Variants in NPAS2 observed in about 807,000 individuals in gnomAD.
NPAS2 encodes the protein neuronal PAS domain protein 2, also known as neuronal PAS domain-containing protein 2.
In NPAS2, 23 loss-of-function variants were observed where a neutral mutation model predicts 107.5. The ratio of observed to expected loss-of-function variants is 0.21; its 90% CI spans 0.15 to 0.30. The LOEUF is 0.30. NPAS2 is among the 10% of genes least tolerant of loss of function. The probability of loss-of-function intolerance (pLI) is 1.00; values close to 1 mark genes in which losing one functional copy is unlikely to be tolerated. For synonymous variants in NPAS2, 403 were observed against 417.5 expected (o/e 0.97, Z 0.42); for missense variants, 756 against 1,043.3 (o/e 0.72, Z 3.79).
chr2:100,885,487 A>G (rs1680644941), intron 1 of NPAS2, among the ~76,000 whole-genome samples: 1 of 152,192 alleles, frequency 6.6e-6, no homozygotes, highest in Non-Finnish European at 1.5e-5. Context: ...GTTTTGTTCC[A>G]AAGATCTGAT....
In NPAS2 at chr2:100,835,330, T is replaced by C. The variant is rs543613710; in HGVS notation, c.-23+14916T>C. ...TTCTGAAATGTTGCTTTGAAGAAAATAGGATGTGTGTAAATCAAATCCAGC... is the reference window on the plus strand; with the variant it reads ...TTCTGAAATGTTGCTTTGAAGAAAACAGGATGTGTGTAAATCAAATCCAGC... On this transcript the variant is annotated intron_variant, in intron 1 of 20. Coordinates refer to ENST00000335681, the MANE Select transcript of NPAS2 (RefSeq NM_002518.4). 5.3e-5 allele frequency among the ~76,000 whole-genome samples: 8 copies of C among 152,254 alleles called. No homozygotes were observed. In the South Asian group the frequency reaches 1.7e-3, roughly 32 times the overall value.
At chr2:100,833,736 G>T (rs1024549041) in intron 1 of NPAS2, among the ~76,000 whole-genome samples, 6 of 152,198 alleles carry the variant, frequency 3.9e-5, no homozygotes, top group Non-Finnish European at 8.8e-5. Context: ...ATTTTTATGG[G>T]ATGTGTGGGG....
At chr2:100,937,912 A>C in intron 5 of NPAS2, 70 bp downstream of exon 5, 9 of 1,219,194 alleles carry the variant, frequency 7.4e-6, no homozygotes, top group Non-Finnish European at 1.1e-5. Flanking sequence ...ATTAGATCTC[A>C]GATGGAAGGT....
chr2:100,941,051 TTG>T (rs1674543038), intron 5 of NPAS2, among the ~76,000 whole-genome samples: 1 of 152,052 alleles, frequency 6.6e-6, no homozygotes, highest in Non-Finnish European at 1.5e-5. Context: ...TGGAGAGCCA[TTG>T]TAAGGGGGAT....
intron 1 of NPAS2, among the ~76,000 whole-genome samples, chr2:100,881,439 A>G (rs1680333241): frequency 6.6e-6 from 1 of 152,226 alleles, no homozygotes; most frequent in South Asian, 2.1e-4. Context: ...TGCTCCCAGC[A>G]CTTTGGGAGG....
Position 100,820,190 on chromosome 2 carries a change from G to T in NPAS2, c.-247G>T. On this transcript the variant is annotated 5_prime_UTR_variant, in exon 1 of 21. Transcript: ENST00000335681. The surrounding 1 kb of genome is among the most constrained non-coding windows in gnomAD (Gnocchi z 5.6). ...CAGCCGGCCTCTCGCAGGAGCCGAGGGACCCGCGCGGCTGCGGCCCAGGAG... is the reference window on the plus strand; with the variant it reads ...CAGCCGGCCTCTCGCAGGAGCCGAGTGACCCGCGCGGCTGCGGCCCAGGAG... 6.6e-6 allele frequency: 1 copy of T among 150,506 alleles called. No homozygotes were observed. The highest frequency in any genetic ancestry group is 1.8e-4 in the South Asian group (1 of 5,518). 9.3% of individuals were successfully genotyped at this position (150,506 alleles called of 1,614,324 possible).
At chr2:100,993,860 A>G (rs1678288031) in intron 20 of NPAS2, 1 of 261,004 alleles carries the variant, frequency 3.8e-6, no homozygotes, top group Admixed American at 5.3e-5. Flanking sequence ...AACATTGATG[A>G]CTATGTTGGA....
chr2:100,824,975 TCAGGCATGGGAGTAC>T (rs1246557120), intron 1 of NPAS2, among the ~76,000 whole-genome samples: 1 of 152,064 alleles, frequency 6.6e-6, no homozygotes, highest in Non-Finnish European at 1.5e-5. Context: ...GAAGGCATCG[TCAGGCATGGGAGTAC>T]CAGGATGGAA....
At chr2:100,977,613 A>G in intron 14 of NPAS2, 97 bp from the exon 15 acceptor site, 1 of 990,962 alleles carries the variant, frequency 1.0e-6, no homozygotes, top group South Asian at 1.3e-5. Context: ...TGTTCACCCC[A>G]GTGCGGAACG....
chr2:100,834,333 T>G (rs1676928418), intron 1 of NPAS2, among the ~76,000 whole-genome samples: 1 of 152,182 alleles, frequency 6.6e-6, no homozygotes, highest in Non-Finnish European at 1.5e-5. Flanking sequence ...TCTCTCTGTG[T>G]GCTCTCCACA....
chr2:100,820,910 G>A lies in NPAS2; in HGVS notation c.-23+496G>A, dbSNP rs879240314. On this transcript the variant is annotated intron_variant, in intron 1 of 20. Transcript: ENST00000335681. This position sits in a 1 kb window ranked among gnomAD's most constrained non-coding sequence, Gnocchi z 5.6. ...GAGTCCCTGGGTCGGAATTGGTTCC[G>A]GGCCGGATTGGGTGCGGAATCGGTG... The A allele has an allele frequency of 6.7e-6, 4 of 596,266 alleles. No homozygotes were observed. The Admixed American group carries it at 1.0e-4, about 15-fold the overall frequency. The allele number at this position is 596,266 out of a possible 1,614,324, so 36.9% of individuals were successfully genotyped here. A position where few individuals can be genotyped will look rare whatever the true frequency, so the allele number is the denominator to read the frequency against.
chr2:100,995,509 C>T lies in NPAS2; in HGVS notation c.2402C>T (p.Pro801Leu), dbSNP rs1678400570. The change falls in exon 21 of 21, where the codon CCC (proline) becomes CTC (leucine). Residue 801 changes from proline (P) to leucine (L), a missense_variant. Transcript: ENST00000335681. ...TACCCCCAACCACCCCCAGCACAGC[C>T]CCAGCCCCTACGTCCTCCCCGAAGG... ...LGYPQPPPAQ[P>L]QPLRPPRRVS... The T allele has an allele frequency of 6.2e-7, 1 of 1,613,772 alleles. No individual in the cohort carries two copies. Among genetic ancestry groups the T allele is most frequent in the Admixed American group, 1.7e-5 (1 of 59,986 alleles).
intron 14 of NPAS2, chr2:100,975,845 C>CA (rs1206793009): frequency 2.8e-6 from 1 of 356,166 alleles, no homozygotes; most frequent in Non-Finnish European, 5.1e-6. Context: ...GTCATACCCT[C>CA]ATACCCCCAG....
At chr2:100,870,587 G>C (rs1246088538) in intron 1 of NPAS2, among the ~76,000 whole-genome samples, 1 of 151,992 alleles carries the variant, frequency 6.6e-6, no homozygotes, top group Non-Finnish European at 1.5e-5. Context: ...TAGAGATGGG[G>C]TTTTGCCATG....
At chr2:100,926,693 C>T (rs1683586116) in intron 3 of NPAS2, among the ~76,000 whole-genome samples, 1 of 151,854 alleles carries the variant, frequency 6.6e-6, no homozygotes, top group Admixed American at 6.6e-5. Context: ...GATACTAGAC[C>T]CTTATCTGGT....
At chr2:100,938,827 T>C in intron 5 of NPAS2, among the ~76,000 whole-genome samples, 1 of 151,942 alleles carries the variant, frequency 6.6e-6, no homozygotes, top group East Asian at 1.9e-4. Flanking sequence ...GCACGTGTGA[T>C]GGACAAGAAA....
chr2:100,957,785 G>A (rs373150947), intron 7 of NPAS2, among the ~76,000 whole-genome samples: 4 of 152,182 alleles, frequency 2.6e-5, no homozygotes, highest in Non-Finnish European at 4.4e-5. Context: ...AAAATTAGCC[G>A]GGCGCGATGG....
chr2:100,977,810 G>A lies in NPAS2; in HGVS notation c.1482+11G>A. Reference sequence around the variant, plus strand: ...GCTCCCATGGCACAGGTGAGTCTGGGACCCAGGAAAGGGCAGCCCCTCTCA... The same window carrying A: ...GCTCCCATGGCACAGGTGAGTCTGGAACCCAGGAAAGGGCAGCCCCTCTCA... On this transcript the variant is annotated intron_variant, in intron 15 of 20. Transcript: ENST00000335681. 3 of 1,612,848 alleles carry A rather than the reference G, an allele frequency of 1.9e-6. No homozygotes were observed. Among genetic ancestry groups the A allele is most frequent in the Non-Finnish European group, 1.7e-6 (2 of 1,179,150 alleles).
At chr2:100,882,205 C>T (rs966440051) in intron 1 of NPAS2, among the ~76,000 whole-genome samples, 2 of 152,210 alleles carry the variant, frequency 1.3e-5, no homozygotes, top group African/African-American at 4.8e-5. Flanking sequence ...CACTATAGCA[C>T]AATATCACCC....
Sources: gnomAD v4.1 joint callset for allele counts (sites outside exome capture counted in the v4.1 genomes callset) on GRCh38, gnomAD v4.1.1 for gene constraint, Gnocchi (gnomAD v3.1) non-coding constraint, MANE v1.5 for transcripts, NCBI Gene and HGNC (gene_info 2026-07-23, HGNC 2026-07-21) for gene names.